Variants in RPS20 observed in about 807,000 individuals in gnomAD.
The protein encoded by RPS20 is ribosomal protein S20.
RPS20 carries 3 observed loss-of-function variants against 15.3 expected under a neutral mutation model. That is an observed-to-expected ratio of 0.20 (90% confidence interval 0.09 to 0.51). The LOEUF (loss-of-function observed/expected upper bound fraction) is 0.51. Ranked by LOEUF, RPS20 falls within the 20% of genes least tolerant of loss-of-function variation. RPS20 has a pLI of 0.96. For missense variants in RPS20, 67 were observed against 145.9 expected (o/e 0.46, Z 2.79); for synonymous variants, 62 against 47.8 (o/e 1.30, Z -1.23).
In RPS20 at chr8:56,074,399, G is replaced by C; in HGVS notation, c.-16C>G. 2 of 1,558,320 alleles carry C rather than the reference G, an allele frequency of 1.3e-6. No homozygotes were observed. The highest frequency in any genetic ancestry group is 1.7e-6 in the Non-Finnish European group (2 of 1,157,856). ...GCCTCACCATGGCTGTTGCGCGCGG[G>C]CTTCCTGACCGACTTGTTCCTCGGC... On this transcript the variant is annotated 5_prime_UTR_variant, in exon 1 of 4. Transcript: ENST00000009589.
intron 2 of RPS20, 33 bp from the exon 3 acceptor site, chr8:56,073,801 G>A (rs750376590): frequency 2.5e-6 from 4 of 1,597,788 alleles, no homozygotes; most frequent in Non-Finnish European, 3.4e-6. Context: ...CAGTATAATC[G>A]AAACAATTAA....
chr8:56,073,865 A>G (rs772814714), intron 2 of RPS20, 97 bp from the exon 3 acceptor site: 1 of 1,212,148 alleles, frequency 8.2e-7, no homozygotes, highest in Non-Finnish European at 1.2e-6. Context: ...TAAAATTATC[A>G]CCGTTACTCA....
chr8:56,070,343 GTC>G (rs1253293174), downstream of RPS20, among the ~76,000 whole-genome samples: 4 of 152,282 alleles, frequency 2.6e-5, no homozygotes, highest in Admixed American at 1.3e-4. Flanking sequence ...GGAGCCATCT[GTC>G]TGACTGCATG....
chr8:56,069,788 G>A (rs1809703062), downstream of RPS20: 3 of 1,549,416 alleles, frequency 1.9e-6, no homozygotes, highest in East Asian at 7.3e-5. Context: ...AAAGTGTACT[G>A]CTGGCCCTCT....
rs1809818927 is a variant in RPS20 at position 56,073,288 on chromosome 8, A to T, written c.178-16T>A. On this transcript the variant is annotated splice_polypyrimidine_tract_variant and intron_variant, in intron 3 of 3. Transcript: ENST00000009589. ...TTCTCAAAGTCTGTAACAAAAGACA[A>T]AGGAAACCAAGTGTTTATCGTTTTA... 3.3e-6 allele frequency: 5 copies of T among 1,499,862 alleles called. No homozygotes were observed. The highest frequency in any genetic ancestry group is 2.8e-6 in the Non-Finnish European group (3 of 1,078,954). The allele number at this position is 1,499,862 out of a possible 1,614,324, so 92.9% of individuals were successfully genotyped here. A position where few individuals can be genotyped will look rare whatever the true frequency, so the allele number is the denominator to read the frequency against.
chr8:56,074,315 C>A, intron 1 of RPS20, 66 bp downstream of exon 1: 1 of 1,547,676 alleles, frequency 6.5e-7, no homozygotes, highest in Non-Finnish European at 8.7e-7. Flanking sequence ...AGCACGAACT[C>A]GAAACCGGGG....
At chr8:56,071,060 T>C (rs1809740136), downstream of RPS20, among the ~76,000 whole-genome samples, 1 of 152,236 alleles carries the variant, frequency 6.6e-6, no homozygotes, top group Non-Finnish European at 1.5e-5. Context: ...AGTTTCAAAT[T>C]TTTTAGTGCT....
At chr8:56,073,013 T>C, downstream of RPS20, 2 of 1,545,350 alleles carry the variant, frequency 1.3e-6, no homozygotes, top group Non-Finnish European at 1.7e-6. Context: ...ACCTTTATAT[T>C]CCTAAAATCT....
At chr8:56,069,919 A>C, downstream of RPS20, 1 of 723,806 alleles carries the variant, frequency 1.4e-6, no homozygotes, top group Non-Finnish European at 2.5e-6. Flanking sequence ...CCCTGAATAC[A>C]GCATAACTAC....
chr8:56,072,496 G>A (rs1390457137), downstream of RPS20, among the ~76,000 whole-genome samples: 3 of 147,162 alleles, frequency 2.0e-5, no homozygotes, highest in African/African-American at 7.5e-5. Flanking sequence ...AGGTTGCAGT[G>A]AGCCAAGAAC....
At chr8:56,069,087 T>C (rs1221231178), downstream of RPS20, among the ~76,000 whole-genome samples, 1 of 151,762 alleles carries the variant, frequency 6.6e-6, no homozygotes, top group Non-Finnish European at 1.5e-5. Flanking sequence ...ATGCACAATA[T>C]GTGAGGCAAA....
Position 56,073,195 on chromosome 8 carries a change from G to A in RPS20, c.255C>T (p.His85=), listed in dbSNP as rs1809815040. 2.5e-6 allele frequency: 4 copies of A among 1,601,954 alleles called. No homozygotes were observed. Among genetic ancestry groups the A allele is most frequent in the Admixed American group, 1.7e-5 (1 of 60,002 alleles). Residue 85 remains histidine, a synonymous_variant, in exon 4 of 4, where the codon CAC becomes CAT. Transcript: ENST00000009589. ...GACTGTGCAAGTCAATGAGTCGCTTGTGAATTCTCATCTGGAAACGATCCC... is the reference window on the plus strand; with the variant it reads ...GACTGTGCAAGTCAATGAGTCGCTTATGAATTCTCATCTGGAAACGATCCC... ...KTWDRFQMRI[H]KRLIDLHSPS... is the part of the protein sequence containing the mutation.
intron 2 of RPS20, 84 bp from the exon 3 acceptor site, chr8:56,073,852 G>A (rs1312934136): frequency 3.1e-6 from 4 of 1,307,818 alleles, no homozygotes; most frequent in Non-Finnish European, 4.4e-6. Flanking sequence ...TCAGAATAGC[G>A]TATAAAATTA....
chr8:56,071,132 TG>T (rs1563346674), downstream of RPS20, among the ~76,000 whole-genome samples: 1 of 152,238 alleles, frequency 6.6e-6, no homozygotes, highest in African/African-American at 2.4e-5. Context: ...TTAACCATTG[TG>T]AAAAAACACA....
In RPS20 at chr8:56,074,084, G is replaced by A. The variant is rs768075281; in HGVS notation, c.79C>T (p.Arg27Cys). 2.5e-6 allele frequency: 4 copies of A among 1,613,638 alleles called. No homozygotes were observed. The highest frequency in any genetic ancestry group is 1.3e-5 in the African/African-American group (1 of 74,852). Residue 27 changes from arginine to cysteine, a missense_variant, in exon 2 of 4, where the codon CGC becomes TGC. Physicochemically the swap from Arg to Cys is radical, Grantham distance 180 (BLOSUM62 -3). Coordinates refer to ENST00000009589, the MANE Select transcript of RPS20 (RefSeq NM_001023.4). ...IHRIRITLTSRNVKSLEKVCA... is the reference protein window; with the variant it reads ...IHRIRITLTSCNVKSLEKVCA... ...CCCTTTTCCAAGGATTTTACGTTGCGGCTTGTTAGGGTGATTCGAATTCGG... is the reference window on the plus strand; with the variant it reads ...CCCTTTTCCAAGGATTTTACGTTGCAGCTTGTTAGGGTGATTCGAATTCGG...
rs763807223 is a variant in RPS20 at position 56,074,431 on chromosome 8, G to A, written c.-48C>T. On this transcript the variant is annotated 5_prime_UTR_variant, in exon 1 of 4. Coordinates refer to ENST00000009589, the MANE Select transcript of RPS20 (RefSeq NM_001023.4). ...GACCGACTTGTTCCTCGGCGAGAGCGAACAGCGGTGAGTCAGGAGCAGGAG... is the reference window on the plus strand; with the variant it reads ...GACCGACTTGTTCCTCGGCGAGAGCAAACAGCGGTGAGTCAGGAGCAGGAG... 41 of 1,544,942 alleles carry A rather than the reference G, an allele frequency of 2.7e-5. No individual in the cohort carries two copies. The highest frequency in any genetic ancestry group is 3.5e-5 in the Non-Finnish European group (40 of 1,151,098).
rs1809862385 is a variant in RPS20 at position 56,074,176 on chromosome 8, G to A, written c.4-17C>T. On this transcript the variant is annotated splice_polypyrimidine_tract_variant and intron_variant, in intron 1 of 3. Transcript: ENST00000009589. ...CTTAAAAGCCTATTATTAGATACAT[G>A]AAAAAGAACAATAAGCCAAAAATGG... The A allele has an allele frequency of 3.1e-6, 5 of 1,601,476 alleles. No homozygotes were observed. The Admixed American group carries it at 5.0e-5, about 16-fold the overall frequency.
chr8:56,074,266 G>T (rs777658270), intron 1 of RPS20, 107 bp from the exon 2 acceptor site: 2 of 1,520,270 alleles, frequency 1.3e-6, no homozygotes, highest in East Asian at 2.3e-5. Flanking sequence ...TTTCAGGAGC[G>T]CCTTTCCGCC....
At chr8:56,069,607 T>C, downstream of RPS20, 1 of 899,648 alleles carries the variant, frequency 1.1e-6, no homozygotes, top group Non-Finnish European at 1.8e-6. Context: ...CCATAGTTCC[T>C]CTTACTTTCA....
Sources: gnomAD v4.1 joint callset for allele counts (sites outside exome capture counted in the v4.1 genomes callset) on GRCh38, gnomAD v4.1.1 for gene constraint, MANE v1.5 for transcripts, NCBI Gene and HGNC (gene_info 2026-07-23, HGNC 2026-07-21) for gene names.